The following LRP5 variants were observed in gnomAD, a reference collection of about 807,000 sequenced individuals.
The protein encoded by LRP5 is LDL receptor related protein 5.
In LRP5, 62 loss-of-function variants were observed where a neutral mutation model predicts 154.1. That is an observed-to-expected ratio of 0.40 (90% confidence interval 0.33 to 0.50). The LOEUF (loss-of-function observed/expected upper bound fraction) is 0.50, where lower values mean the gene tolerates loss of function less well. LRP5 is among the 20% of genes least tolerant of loss of function. LRP5 has a pLI of 0.55. For missense variants in LRP5, 1,915 were observed against 2,336.7 expected, an observed-to-expected ratio of 0.82 and a Z score of 3.72; for synonymous variants, 966 against 1,011.5, an observed-to-expected ratio of 0.96 and a Z score of 0.85.
At chr11:68,422,963 C>T (rs932610069) in intron 13 of LRP5, among the ~76,000 whole-genome samples, 1 of 152,094 alleles carries the variant, frequency 6.6e-6, no homozygotes, top group Admixed American at 6.6e-5. Context: ...TAAGGGGCGG[C>T]CCCCAAACTG....
the LRP5 span, among the ~76,000 whole-genome samples, chr11:68,298,840 G>A: frequency 6.6e-6 from 1 of 152,132 alleles, no homozygotes; most frequent in South Asian, 2.1e-4. Flanking sequence ...TCCGGTCCTG[G>A]GCACCTTTGA....
intron 3 of LRP5, among the ~76,000 whole-genome samples, chr11:68,361,805 G>C (rs1850140779): frequency 6.6e-6 from 1 of 152,212 alleles, no homozygotes; most frequent in African/African-American, 2.4e-5. Context: ...CTGGGTGACA[G>C]AGCAAGACCC....
At chr11:68,404,785 A>G (rs796825723) in intron 8 of LRP5, among the ~76,000 whole-genome samples, 3 of 151,980 alleles carry the variant, frequency 2.0e-5, no homozygotes, top group South Asian at 4.2e-4. Flanking sequence ...CCTGGCTAAC[A>G]AGGTGAAACC....
chr11:68,310,706 G>A (rs2098587153), upstream of LRP5, among the ~76,000 whole-genome samples: 1 of 142,624 alleles, frequency 7.0e-6, no homozygotes, highest in Admixed American at 7.5e-5. Flanking sequence ...AATGAGCTAC[G>A]ATCACACCAC....
At chr11:68,389,556 G>A (rs1249657623) in intron 6 of LRP5, among the ~76,000 whole-genome samples, 25 of 147,838 alleles carry the variant, frequency 1.7e-4, no homozygotes, top group Non-Finnish European at 2.2e-4. Flanking sequence ...GTTTACCAAC[G>A]CCGACGTTTA....
At chr11:68,403,333 T>C in intron 7 of LRP5, 150 bp from the exon 8 acceptor site, 1 of 687,216 alleles carries the variant, frequency 1.5e-6, no homozygotes, top group Non-Finnish European at 2.7e-6. Context: ...CCTGGTGTTT[T>C]ATGGTACCTG....
chr11:68,394,955 A>G (rs2098648452), intron 7 of LRP5, among the ~76,000 whole-genome samples: 1 of 152,140 alleles, frequency 6.6e-6, no homozygotes, highest in Admixed American at 6.5e-5. Flanking sequence ...GGCCAGGGAG[A>G]GACACCCTCT....
chr11:68,374,743 A>G (rs1236374349), intron 5 of LRP5, among the ~76,000 whole-genome samples: 1 of 152,180 alleles, frequency 6.6e-6, no homozygotes, highest in African/African-American at 2.4e-5. Flanking sequence ...TGCCTGTTCC[A>G]GAACTACATG....
intron 7 of LRP5, among the ~76,000 whole-genome samples, chr11:68,398,632 ATT>A (rs2098650892): frequency 6.6e-6 from 1 of 151,124 alleles, no homozygotes; most frequent in Non-Finnish European, 1.5e-5. Context: ...TGGGTTTTAC[ATT>A]TTTTAATTAC....
In LRP5 at chr11:68,436,886, C is replaced by G; in HGVS notation, c.4001-3C>G. 1 of 1,611,630 alleles carries G rather than the reference C, an allele frequency of 6.2e-7. No individual in the cohort carries two copies. Among genetic ancestry groups the G allele is most frequent in the Non-Finnish European group, 8.5e-7 (1 of 1,178,132 alleles). On this transcript the variant is annotated splice_region_variant and splice_polypyrimidine_tract_variant and intron_variant, in intron 18 of 22. Transcript: ENST00000294304. ...TCTCTGAGTGCATGGCCTCTCCTTG[C>G]AGCCATCTGCCTGCCCAACCAGTTC...
intron 1 of LRP5, among the ~76,000 whole-genome samples, chr11:68,335,202 C>T (rs2098604999): frequency 6.6e-6 from 1 of 151,710 alleles, no homozygotes; most frequent in Non-Finnish European, 1.5e-5. Flanking sequence ...TCAGCCTCTC[C>T]AGTAGCTGGG....
intron 1 of LRP5, among the ~76,000 whole-genome samples, chr11:68,319,417 G>T (rs1419187728): frequency 1.3e-5 from 2 of 152,128 alleles, no homozygotes; most frequent in African/African-American, 2.4e-5. Flanking sequence ...GTCTTGCTTT[G>T]CTGCCCAGGC....
chr11:68,369,328 C>A (rs1353247999), intron 5 of LRP5, among the ~76,000 whole-genome samples: 3 of 152,056 alleles, frequency 2.0e-5, no homozygotes, highest in Admixed American at 6.5e-5. Context: ...TTGCCACCAT[C>A]GATTGGTGAT....
intron 1 of LRP5, among the ~76,000 whole-genome samples, 175 bp from the exon 2 acceptor site, chr11:68,347,672 G>T (rs116213438): frequency 8.5e-4 from 130 of 152,350 alleles, no homozygotes; most frequent in African/African-American, 2.9e-3. Context: ...AATGATGCGG[G>T]CCGGGGCTGC....
Position 68,380,285 on chromosome 11 carries a change from A to G in LRP5, c.1016-6031A>G, listed in dbSNP as rs1270009656. Among the ~76,000 whole-genome samples, 7 of 152,348 alleles carry G rather than the reference A, an allele frequency of 4.6e-5. No homozygotes were observed. In the East Asian group the frequency reaches 1.3e-3, roughly 29 times the overall value. On this transcript the variant is annotated intron_variant, in intron 5 of 22. Coordinates refer to ENST00000294304, the MANE Select transcript of LRP5 (RefSeq NM_002335.4). ...AATCAGGAGAATAATGTTTTGGGAC[A>G]TGGGAAAATGACATGGAATTTGCAT...
Position 68,386,286 on chromosome 11 carries a change from C to A in LRP5, c.1016-30C>A. On this transcript the variant is annotated intron_variant, in intron 5 of 22. Transcript: ENST00000294304. This position sits in a 1 kb window ranked among gnomAD's most constrained non-coding sequence, Gnocchi z 7.9. ...ACTTGTGCCTGCTGCAGGCCCTTGA[C>A]CCCTGACCCCATTGCACCTGTCTCC... is the stretch of plus-strand genomic sequence containing the variant. 6.2e-7 allele frequency: 1 copy of A among 1,608,094 alleles called. No homozygotes were observed.
chr11:68,351,810 C>G (rs1030539611), intron 2 of LRP5, among the ~76,000 whole-genome samples: 4 of 152,120 alleles, frequency 2.6e-5, no homozygotes, highest in African/African-American at 9.7e-5. Flanking sequence ...CGAGGGGCTT[C>G]CGTCGGAGCT....
In LRP5 at chr11:68,363,899, C is replaced by T; in HGVS notation, c.839C>T (p.Ser280Leu). ...KRKEILSALY[S>L]PMDIQVLSQE... ...AAGGAGATCCTGAGTGCCCTCTACT[C>T]ACCCATGGACATCCAGGTGCTGAGC... The change falls in exon 4 of 23, where the codon TCA becomes TTA. Residue 280 changes from serine (S) to leucine (L), a missense_variant. By Grantham distance (145) the Ser-to-Leu change is moderately radical. This residue lies in a region of LRP5 where 773 missense variants were observed against 1,100.9 expected (regional missense o/e 0.70). Coordinates refer to ENST00000294304, the MANE Select transcript of LRP5 (RefSeq NM_002335.4). The T allele has an allele frequency of 6.2e-7, 1 of 1,612,662 alleles. No homozygotes were observed. The highest frequency in any genetic ancestry group is 8.5e-7 in the Non-Finnish European group (1 of 1,179,750).
At chr11:68,320,486 C>T (rs575233784) in intron 1 of LRP5, among the ~76,000 whole-genome samples, 5 of 142,816 alleles carry the variant, frequency 3.5e-5, no homozygotes, top group South Asian at 2.2e-4. Flanking sequence ...GACAGAGTCT[C>T]GCTGTGTCCT....
Sources: allele counts gnomAD v4.1 joint callset (sites outside exome capture counted in the v4.1 genomes callset), GRCh38; gene constraint gnomAD v4.1.1; regional missense constraint gnomAD v4.1.1; non-coding constraint Gnocchi (gnomAD v3.1); transcripts MANE v1.5; gene names NCBI Gene and HGNC (gene_info 2026-07-23, HGNC 2026-07-21).